The following MAPKAPK2 variants were observed in gnomAD, a reference collection of about 807,000 sequenced individuals.
The protein encoded by MAPKAPK2 is MAP kinase-activated protein kinase 2.
In MAPKAPK2, 9 loss-of-function variants were observed where a neutral mutation model predicts 48.8. That is an observed-to-expected ratio of 0.18 (90% CI 0.11 to 0.32). MAPKAPK2 has a LOEUF of 0.32. Among genes scored for constraint, MAPKAPK2 ranks in the 10% least tolerant of loss-of-function variants. MAPKAPK2 has a pLI of 1.00. For missense variants in MAPKAPK2, 331 were observed against 498.3 expected, an observed-to-expected ratio of 0.66 and a Z score of 3.20; for synonymous variants, 202 against 190.6, an observed-to-expected ratio of 1.06 and a Z score of -0.49.
In MAPKAPK2 at chr1:206,704,946, G is replaced by T. The variant is rs1293636201; in HGVS notation, c.279+19438G>T. ...AGACACTCTGTGATCATCTAAACTG[G>T]GGAACAGTCTGCAATGCACATTACT... On this transcript the variant is annotated intron_variant, in intron 1 of 9. Transcript: ENST00000367103. The surrounding 1 kb of genome is among the most constrained non-coding windows in gnomAD (Gnocchi z 4.3). Among the ~76,000 whole-genome samples the T allele has an allele frequency of 6.6e-6, 1 of 152,168 alleles. No homozygotes were observed. The highest frequency in any genetic ancestry group is 1.5e-5 in the Non-Finnish European group (1 of 68,018).
chr1:206,688,411 G>A (rs889669292), intron 1 of MAPKAPK2, among the ~76,000 whole-genome samples: 4 of 152,144 alleles, frequency 2.6e-5, no homozygotes, highest in African/African-American at 9.7e-5. Context: ...GGTGCTTCCA[G>A]CCTGAGGAGC....
At chr1:206,726,279 C>G (rs1673699130) in intron 1 of MAPKAPK2, among the ~76,000 whole-genome samples, 1 of 152,222 alleles carries the variant, frequency 6.6e-6, no homozygotes, top group South Asian at 2.1e-4. Flanking sequence ...CCCAGCTACT[C>G]AGGAGGCTGA....
intron 1 of MAPKAPK2, among the ~76,000 whole-genome samples, chr1:206,722,397 AAAG>A (rs1553431334): frequency 6.6e-6 from 1 of 152,160 alleles, no homozygotes; most frequent in African/African-American, 2.4e-5. Context: ...CAAAGAAACA[AAAG>A]AAAACTTTTG....
chr1:206,729,787 C>G (rs999032132), intron 4 of MAPKAPK2, among the ~76,000 whole-genome samples, 185 bp from the exon 5 acceptor site: 2 of 152,242 alleles, frequency 1.3e-5, no homozygotes, highest in African/African-American at 2.4e-5. Flanking sequence ...TCCAGGCACT[C>G]TGGAAACCCT....
chr1:206,703,505 A>G (rs1334386067), intron 1 of MAPKAPK2, among the ~76,000 whole-genome samples: 1 of 152,184 alleles, frequency 6.6e-6, no homozygotes, highest in African/African-American at 2.4e-5. Flanking sequence ...TTCCTTAGAA[A>G]GGGCTGTCTG....
rs962936607 is a variant in MAPKAPK2, at chr1:206,688,901, T to C, written c.279+3393T>C. 4.6e-5 allele frequency among the ~76,000 whole-genome samples: 7 copies of C among 152,304 alleles called. No individual in the cohort carries two copies. The East Asian group carries it at 1.4e-3, about 29-fold the overall frequency. On this transcript the variant is annotated intron_variant, in intron 1 of 9. Transcript: ENST00000367103. ...TGCCTGCCTCAGCCTGCCTAAGTGC[T>C]GGGATTACAGGTGTGAGCTACCGCG...
chr1:206,695,562 T>A (rs1553426887), intron 1 of MAPKAPK2, among the ~76,000 whole-genome samples: 2 of 151,384 alleles, frequency 1.3e-5, no homozygotes, highest in Admixed American at 1.3e-4. Flanking sequence ...CCTTAGCATC[T>A]ATCCATCTGC....
chr1:206,726,312 G>A (rs1192485037), intron 1 of MAPKAPK2, among the ~76,000 whole-genome samples: 10 of 152,230 alleles, frequency 6.6e-5, no homozygotes, highest in African/African-American at 1.2e-4. Flanking sequence ...GTTTGAACCC[G>A]GGAGGCGGAG....
At chr1:206,700,003 CTTTTTTTTT>C (rs574216957) in intron 1 of MAPKAPK2, among the ~76,000 whole-genome samples, 1 of 126,354 alleles carries the variant, frequency 7.9e-6, no homozygotes, top group Non-Finnish European at 1.7e-5. Context: ...CTTCTTCTTA[CTTTTTTTTT>C]TTTTTTTTTT....
intron 6 of MAPKAPK2, 21 bp downstream of exon 6, chr1:206,730,784 G>T (rs1553432520): frequency 6.5e-7 from 1 of 1,548,202 alleles, no homozygotes; most frequent in Non-Finnish European, 8.9e-7. Context: ...TGGGGAGGGG[G>T]CTGGGTGGGG....
intron 1 of MAPKAPK2, among the ~76,000 whole-genome samples, chr1:206,727,822 A>C (rs1673752282): frequency 6.6e-6 from 1 of 152,000 alleles, no homozygotes. Flanking sequence ...ACGGGGTTTC[A>C]CCGTGTTAGC....
At position 206,731,804 on chromosome 1, in the gene MAPKAPK2, A is replaced by T; in HGVS notation, c.979-35A>T. On this transcript the variant is annotated intron_variant, in intron 8 of 9. Coordinates refer to ENST00000367103, the MANE Select transcript of MAPKAPK2 (RefSeq NM_032960.4). The surrounding 1 kb of genome is among the most constrained non-coding windows in gnomAD (Gnocchi z 5.9). ...AGAGTCTTAGCCAGGACCCTACCCC[A>T]GGCTTTCACTCGGACCCCTTTTCTC... The T allele has an allele frequency of 6.2e-7, 1 of 1,610,848 alleles. No homozygotes were observed. The highest frequency in any genetic ancestry group is 8.5e-7 in the Non-Finnish European group (1 of 1,177,042).
At chr1:206,724,899 T>G (rs1331838953) in intron 1 of MAPKAPK2, among the ~76,000 whole-genome samples, 1 of 152,144 alleles carries the variant, frequency 6.6e-6, no homozygotes, top group Non-Finnish European at 1.5e-5. Context: ...AATGGTAAAT[T>G]TTTTCAAAGT....
At chr1:206,712,984 A>ACACACACACG (rs1673206711) in intron 1 of MAPKAPK2, among the ~76,000 whole-genome samples, 1 of 151,276 alleles carries the variant, frequency 6.6e-6, no homozygotes, top group South Asian at 2.1e-4. Flanking sequence ...ACACACACAC[A>ACACACACACG]CACACACACA....
intron 1 of MAPKAPK2, among the ~76,000 whole-genome samples, chr1:206,719,946 C>T (rs1428828096): frequency 4.6e-5 from 7 of 152,182 alleles, no homozygotes; most frequent in South Asian, 2.1e-4. Context: ...AGTTCTGTGG[C>T]GGTCACGGGG....
chr1:206,730,197 T>C, intron 5 of MAPKAPK2, 99 bp downstream of exon 5: 3 of 1,438,406 alleles, frequency 2.1e-6, no homozygotes, highest in Non-Finnish European at 2.9e-6. Flanking sequence ...AGGAGAGTTG[T>C]GTCTGTATGG....
At position 206,729,449 on chromosome 1, in the gene MAPKAPK2, A is replaced by G. The variant is rs1478924734; in HGVS notation, c.538A>G (p.Ile180Val). Residue 180 changes from isoleucine (I) to valine (V), a missense_variant, in exon 4 of 10, where the codon ATC becomes GTC. Transcript: ENST00000367103. ...IGEAIQYLHS[I>V]NIAHRDVKPE... is the part of the protein sequence containing the mutation. ...TGAGGCCATCCAGTATCTGCATTCA[A>G]TCAACATTGCCCATCGGGATGTCAA... is the stretch of plus-strand genomic sequence containing the variant. 1 of 1,614,146 alleles carries G rather than the reference A, an allele frequency of 6.2e-7. No individual in the cohort carries two copies. The highest frequency in any genetic ancestry group is 8.5e-7 in the Non-Finnish European group (1 of 1,179,970).
intron 1 of MAPKAPK2, among the ~76,000 whole-genome samples, chr1:206,698,073 A>G (rs1158489867): frequency 1.3e-5 from 2 of 152,260 alleles, no homozygotes; most frequent in African/African-American, 4.8e-5. Flanking sequence ...AGCCTCGGGG[A>G]CTAAGAGCCA....
intron 1 of MAPKAPK2, among the ~76,000 whole-genome samples, chr1:206,690,794 C>G (rs1553426141): frequency 6.6e-6 from 1 of 152,194 alleles, no homozygotes; most frequent in Admixed American, 6.5e-5. Context: ...GAGCCATTGC[C>G]CAGTTCCCAA....
Sources: allele counts gnomAD v4.1 joint callset (sites outside exome capture counted in the v4.1 genomes callset), GRCh38; gene constraint gnomAD v4.1.1; non-coding constraint Gnocchi (gnomAD v3.1); transcripts MANE v1.5; gene names NCBI Gene and HGNC (gene_info 2026-07-23, HGNC 2026-07-21).